SFMBT2: variants seen among roughly 807,000 people sequenced by gnomAD.
SFMBT2 encodes scm-like with four MBT domains protein 2.
SFMBT2 carries 38 observed loss-of-function variants against 110.1 expected under a neutral mutation model. That is an observed-to-expected ratio of 0.35 (90% CI 0.27 to 0.45). SFMBT2 has a LOEUF of 0.45. SFMBT2 is among the 20% of genes least tolerant of loss of function. The pLI, the probability that SFMBT2 is intolerant of heterozygous loss-of-function variation, is 1.00. For missense variants in SFMBT2, 1,011 were observed against 1,094.9 expected, an observed-to-expected ratio of 0.92 and a Z score of 1.08; for synonymous variants, 425 against 425.4, an observed-to-expected ratio of 1.00 and a Z score of 0.01.
chr10:7,366,842 G>A (rs182669118), intron 4 of SFMBT2, among the ~76,000 whole-genome samples: 5 of 152,262 alleles, frequency 3.3e-5, no homozygotes, highest in East Asian at 3.9e-4. Flanking sequence ...TGTGCATTGC[G>A]GGGGTTTAGC....
chr10:7,168,642 G>C (rs907857383), intron 20 of SFMBT2, among the ~76,000 whole-genome samples: 19 of 152,224 alleles, frequency 1.2e-4, no homozygotes, highest in Non-Finnish European at 2.2e-4. Flanking sequence ...CAGCACCACT[G>C]TCAATAAATG....
intron 11 of SFMBT2, among the ~76,000 whole-genome samples, chr10:7,213,036 C>T (rs1206880778): frequency 1.3e-5 from 2 of 151,154 alleles, no homozygotes; most frequent in African/African-American, 4.9e-5. Context: ...ACAATGAGAA[C>T]ATATGGACAC....
chr10:7,205,774 C>T (rs750477031), intron 12 of SFMBT2, 41 bp downstream of exon 12: 1 of 1,598,160 alleles, frequency 6.3e-7, no homozygotes, highest in Non-Finnish European at 8.5e-7. Context: ...TCACAAAGAT[C>T]ACTGGTGTCA....
intron 6 of SFMBT2, among the ~76,000 whole-genome samples, chr10:7,280,783 A>G (rs1841930147): frequency 1.3e-5 from 2 of 152,174 alleles, no homozygotes; most frequent in South Asian, 4.1e-4. Context: ...CCTCTGATTC[A>G]GGGCAAAAAG....
chr10:7,367,522 G>T lies in SFMBT2; in HGVS notation c.436+127C>A. On this transcript the variant is annotated intron_variant, in intron 4 of 20. Transcript: ENST00000397167. The surrounding 1 kb of genome is among the most constrained non-coding windows in gnomAD (Gnocchi z 6.2). ...GGAAACCTGAGAAACCACTCTGAAA[G>T]AACTGTGAGACCTTTGCACTAAGAC... is the stretch of plus-strand genomic sequence containing the variant. The T allele has an allele frequency of 6.3e-6, 9 of 1,428,794 alleles. No individual in the cohort carries two copies. The highest frequency in any genetic ancestry group is 8.3e-6 in the Non-Finnish European group (9 of 1,081,838). The allele number at this position is 1,428,794 out of a possible 1,614,324, so 88.5% of individuals were successfully genotyped here.
intron 4 of SFMBT2, among the ~76,000 whole-genome samples, chr10:7,326,940 T>C (rs1471848464): frequency 1.3e-5 from 2 of 152,116 alleles, no homozygotes; most frequent in Non-Finnish European, 2.9e-5. Context: ...ATGCAATTCT[T>C]TGGGTAATGT....
At chr10:7,385,646 C>T (rs1845572773) in intron 1 of SFMBT2, among the ~76,000 whole-genome samples, 1 of 152,240 alleles carries the variant, frequency 6.6e-6, no homozygotes, top group South Asian at 2.1e-4. Flanking sequence ...AGTACAAGCA[C>T]GGAAAGGGCA....
At chr10:7,286,564 T>C (rs552104795) in intron 4 of SFMBT2, 1 of 133,736 alleles carries the variant, frequency 7.5e-6, no homozygotes, top group South Asian at 2.2e-4. Context: ...CATGTACACT[T>C]TTTTTTCTTA....
chr10:7,289,383 C>G (rs534388597), intron 4 of SFMBT2, among the ~76,000 whole-genome samples: 40 of 152,310 alleles, frequency 2.6e-4, no homozygotes, highest in Middle Eastern at 6.8e-3. Flanking sequence ...TTAAAATATG[C>G]AAGCACCCTA....
chr10:7,177,512 T>C (rs1838104531), intron 16 of SFMBT2, among the ~76,000 whole-genome samples: 1 of 152,066 alleles, frequency 6.6e-6, no homozygotes, highest in Non-Finnish European at 1.5e-5. Flanking sequence ...AATGAGGTAA[T>C]TAAATTAAAC....
chr10:7,359,806 C>G (rs1057230731), intron 4 of SFMBT2, among the ~76,000 whole-genome samples: 1 of 152,236 alleles, frequency 6.6e-6, no homozygotes, highest in Non-Finnish European at 1.5e-5. Flanking sequence ...GAAACCAACT[C>G]TACAACTTTT....
intron 9 of SFMBT2, among the ~76,000 whole-genome samples, chr10:7,230,412 G>A (rs1840082235): frequency 6.6e-6 from 1 of 152,146 alleles, no homozygotes; most frequent in Admixed American, 6.5e-5. Flanking sequence ...CCTCCACTTT[G>A]AGCGTAGTTT....
chr10:7,312,338 G>C (rs1327335181), intron 4 of SFMBT2, among the ~76,000 whole-genome samples: 1 of 152,194 alleles, frequency 6.6e-6, no homozygotes, highest in African/African-American at 2.4e-5. Flanking sequence ...ACCCAACGCA[G>C]CCAAACTACC....
At chr10:7,216,223 G>A (rs1771355926) in intron 11 of SFMBT2, among the ~76,000 whole-genome samples, 1 of 152,142 alleles carries the variant, frequency 6.6e-6, no homozygotes. Context: ...TGACTGATAT[G>A]GTTTGGCTGT....
intron 4 of SFMBT2, among the ~76,000 whole-genome samples, chr10:7,349,027 C>G (rs1413589078): frequency 6.6e-6 from 1 of 152,158 alleles, no homozygotes; most frequent in Admixed American, 6.5e-5. Context: ...GATGGTCACC[C>G]ACCCATTCTC....
chr10:7,362,224 G>C (rs922395955), intron 4 of SFMBT2, among the ~76,000 whole-genome samples: 5 of 152,134 alleles, frequency 3.3e-5, no homozygotes, highest in Non-Finnish European at 5.9e-5. Flanking sequence ...ACGCTGCTCT[G>C]AACGGCCGAT....
At chr10:7,392,290 G>A (rs958301352) in intron 1 of SFMBT2, among the ~76,000 whole-genome samples, 8 of 152,264 alleles carry the variant, frequency 5.3e-5, no homozygotes, top group Non-Finnish European at 7.4e-5. Context: ...CGAGGTGGGC[G>A]GATCACTTGA....
intron 7 of SFMBT2, among the ~76,000 whole-genome samples, chr10:7,267,049 T>C (rs1445358402): frequency 2.0e-5 from 3 of 152,210 alleles, no homozygotes; most frequent in Non-Finnish European, 2.9e-5. Flanking sequence ...ATCTGGTTTA[T>C]GGTTTCCTTC....
rs374547510 is a variant in SFMBT2, at chr10:7,167,982, C to T, written c.2544+2946G>A. Among the ~76,000 whole-genome samples, 73 of 151,960 alleles carry T rather than the reference C, an allele frequency of 4.8e-4. No individual in the cohort carries two copies. In the East Asian group the frequency reaches 0.011, roughly 23 times the overall value. On this transcript the variant is annotated intron_variant, in intron 20 of 20. Transcript: ENST00000397167. ...ACTCAGGAGGCTGAGGCAGGAGAAT[C>T]GCTTGAACCCGGGAGGCGGAGGTTG...
Sources: allele counts gnomAD v4.1 joint callset (sites outside exome capture counted in the v4.1 genomes callset), GRCh38; gene constraint gnomAD v4.1.1; non-coding constraint Gnocchi (gnomAD v3.1); transcripts MANE v1.5; gene names NCBI Gene and HGNC (gene_info 2026-07-23, HGNC 2026-07-21).